Variants in TAF11L3 observed in about 807,000 individuals in gnomAD.
The protein encoded by TAF11L3 is TATA-box-binding protein-associated factor 11-like protein 3.
At chr5:17,518,694 G>A (rs1738654756) in exon 1 of TAF11L3, 1 of 332,258 alleles carries the variant, frequency 3.0e-6, no homozygotes, top group South Asian at 2.2e-4. Flanking sequence ...GTCCCGCTAC[G>A]AAGTGTGTCG....
exon 1 of TAF11L3, chr5:17,518,805 A>C (rs1579605202): frequency 7.0e-5 from 1 of 14,278 alleles, no homozygotes; most frequent in East Asian, 1.7e-3. Flanking sequence ...TGGAATAGCC[A>C]AGCTTTTTGT....
exon 1 of TAF11L3, chr5:17,518,809 T>A: frequency 7.0e-5 from 1 of 14,288 alleles, no homozygotes. Flanking sequence ...ATAGCCAAGC[T>A]TTTTGTTGGA....
exon 1 of TAF11L3, chr5:17,518,857 G>C (rs1579605289): frequency 1.1e-4 from 2 of 17,468 alleles, no homozygotes; most frequent in Admixed American, 1.3e-3. Context: ...TGTGAGATGT[G>C]GGGAGAGACG....
Sources: allele counts gnomAD v4.1 joint callset, GRCh38; gene constraint gnomAD v4.1.1; transcripts MANE v1.5; gene names NCBI Gene and HGNC (gene_info 2026-07-23, HGNC 2026-07-21).